Variants in RBMS1 observed in about 807,000 individuals in gnomAD.
The protein encoded by RBMS1 is RNA binding motif single stranded interacting protein 1.
A neutral mutation model predicts 62.3 loss-of-function variants in RBMS1; 17 were observed. That is an observed-to-expected ratio of 0.27 (90% CI 0.19 to 0.41). The LOEUF (loss-of-function observed/expected upper bound fraction) is 0.41, where lower values mean the gene tolerates loss of function less well. RBMS1 is among the 10% of genes least tolerant of loss of function. The pLI, the probability that RBMS1 is intolerant of heterozygous loss-of-function variation, is 1.00. For missense variants in RBMS1, 334 were observed against 504.5 expected (o/e 0.66, Z 3.24); for synonymous variants, 172 against 170.0 (o/e 1.01, Z -0.09).
chr2:160,404,196 GCTT>G (rs1244360837), intron 1 of RBMS1, among the ~76,000 whole-genome samples: 5 of 152,094 alleles, frequency 3.3e-5, no homozygotes, highest in African/African-American at 1.2e-4. Context: ...CCATTCAAAA[GCTT>G]CTCACTTTGA....
chr2:160,389,562 G>A (rs968752535), intron 1 of RBMS1, among the ~76,000 whole-genome samples: 2 of 151,878 alleles, frequency 1.3e-5, no homozygotes. Context: ...GCCAGGCGGG[G>A]TGGCGCACAC....
At chr2:160,426,008 TAAG>T (rs767085637) in intron 1 of RBMS1, among the ~76,000 whole-genome samples, 2 of 152,080 alleles carry the variant, frequency 1.3e-5, no homozygotes, top group Non-Finnish European at 2.9e-5. Context: ...CAAGTCCACT[TAAG>T]AAGGAAATAA....
intron 1 of RBMS1, among the ~76,000 whole-genome samples, chr2:160,423,212 TTTTC>T (rs900077323): frequency 6.3e-5 from 9 of 142,992 alleles, no homozygotes; most frequent in African/African-American, 1.5e-4. Context: ...TTTTCTTTTC[TTTTC>T]TTTTTTTCTT....
rs12616645 is a variant in RBMS1 at position 160,486,692 on chromosome 2, G to A, written c.75+6597C>T. On this transcript the variant is annotated intron_variant, in intron 1 of 13. Coordinates refer to ENST00000348849, the MANE Select transcript of RBMS1 (RefSeq NM_016836.4). Reference sequence around the variant, plus strand: ...TTTGAAAGAATTAAAGCTGGCTGATGACCAGATAAAGAGATATCCACTAAA... The same window carrying A: ...TTTGAAAGAATTAAAGCTGGCTGATAACCAGATAAAGAGATATCCACTAAA... 5.3e-4 allele frequency among the ~76,000 whole-genome samples: 80 copies of A among 152,260 alleles called. No homozygotes were observed. In the East Asian group the frequency reaches 0.015, roughly 29 times the overall value.
intron 1 of RBMS1, among the ~76,000 whole-genome samples, chr2:160,388,599 C>T (rs112065310): frequency 1.0e-3 from 154 of 152,282 alleles, no homozygotes; most frequent in Non-Finnish European, 1.8e-3. Context: ...CACACAGAGT[C>T]CACCTTTCAA....
intron 6 of RBMS1, among the ~76,000 whole-genome samples, chr2:160,300,286 G>A (rs1233603852): frequency 6.6e-6 from 1 of 152,146 alleles, no homozygotes; most frequent in African/African-American, 2.4e-5. Context: ...AAGGCCATAG[G>A]AACTGAGGTC....
At chr2:160,308,851 C>T (rs950332296) in intron 4 of RBMS1, among the ~76,000 whole-genome samples, 3 of 152,252 alleles carry the variant, frequency 2.0e-5, no homozygotes, top group Admixed American at 6.5e-5. Context: ...CCAATATATA[C>T]CCAGTCCAGT....
chr2:160,322,120 C>T (rs536299673), intron 2 of RBMS1, among the ~76,000 whole-genome samples: 111 of 152,282 alleles, frequency 7.3e-4, no homozygotes, highest in Admixed American at 1.6e-3. Context: ...TGCATGTATG[C>T]TTTTATTTAA....
intron 2 of RBMS1, among the ~76,000 whole-genome samples, chr2:160,363,928 A>C (rs959706619): frequency 4.6e-5 from 7 of 152,200 alleles, no homozygotes; most frequent in Admixed American, 6.5e-5. Context: ...TAGGGAAAAT[A>C]AGAGATATTT....
chr2:160,317,233 C>A (rs1354363200), intron 3 of RBMS1, among the ~76,000 whole-genome samples: 1 of 152,164 alleles, frequency 6.6e-6, no homozygotes, highest in East Asian at 1.9e-4. Flanking sequence ...TAAGGAGAGG[C>A]CCCTACCATA....
At chr2:160,326,367 G>C (rs1435525982) in intron 2 of RBMS1, among the ~76,000 whole-genome samples, 1 of 152,136 alleles carries the variant, frequency 6.6e-6, no homozygotes, top group African/African-American at 2.4e-5. Context: ...AAAAATATGA[G>C]ACCCTGTATG....
chr2:160,369,750 T>C (rs1467704810), intron 1 of RBMS1, among the ~76,000 whole-genome samples: 1 of 152,128 alleles, frequency 6.6e-6, no homozygotes, highest in Admixed American at 6.5e-5. Flanking sequence ...AAATGAACCA[T>C]CAGGCATTTT....
chr2:160,307,222 G>GT (rs1458668789), intron 4 of RBMS1, among the ~76,000 whole-genome samples: 1 of 152,110 alleles, frequency 6.6e-6, no homozygotes, highest in Non-Finnish European at 1.5e-5. Context: ...GCAGACATCT[G>GT]TTTTCTCTTG....
intron 1 of RBMS1, among the ~76,000 whole-genome samples, chr2:160,411,435 C>T (rs1333201671): frequency 6.6e-6 from 1 of 152,160 alleles, no homozygotes; most frequent in Non-Finnish European, 1.5e-5. Flanking sequence ...GAGCATTTGG[C>T]CATGAAATGA....
rs1374901486 is a variant in RBMS1, at chr2:160,493,715, C to G, written c.-352G>C. 2 of 357,642 alleles carry G rather than the reference C, an allele frequency of 5.6e-6. No homozygotes were observed. Among genetic ancestry groups the G allele is most frequent in the African/African-American group, 2.2e-5 (1 of 45,180 alleles). The allele number at this position is 357,642 out of a possible 1,614,324, so 22.2% of individuals were successfully genotyped here. ...AAGGGCTGGCGCGCTGGCCGCGGTC[C>G]GCTCGGGCGAGCCGGCTGCGCGGGG... On this transcript the variant is annotated 5_prime_UTR_variant, in exon 1 of 14. Coordinates refer to ENST00000348849, the MANE Select transcript of RBMS1 (RefSeq NM_016836.4).
chr2:160,492,755 G>A (rs1364592253), intron 1 of RBMS1: 1 of 152,546 alleles, frequency 6.6e-6, no homozygotes, highest in Non-Finnish European at 1.5e-5. Context: ...CAGGGCCGGA[G>A]GCGGGGAGGA....
chr2:160,370,099 C>T (rs1487233217), intron 1 of RBMS1, among the ~76,000 whole-genome samples: 1 of 152,138 alleles, frequency 6.6e-6, no homozygotes, highest in Admixed American at 6.5e-5. Context: ...TGAAATCTCC[C>T]AGCATCTGAT....
intron 2 of RBMS1, among the ~76,000 whole-genome samples, chr2:160,338,283 A>C (rs955338143): frequency 6.6e-6 from 1 of 152,210 alleles, no homozygotes; most frequent in Non-Finnish European, 1.5e-5. Context: ...GATGAACTTA[A>C]TGAAAATATT....
chr2:160,320,614 T>C (rs1040195943), intron 2 of RBMS1, among the ~76,000 whole-genome samples: 4 of 152,110 alleles, frequency 2.6e-5, no homozygotes, highest in African/African-American at 9.7e-5. Flanking sequence ...GAGAACTGGT[T>C]GTGCAAAGAG....
Sources: allele counts gnomAD v4.1 joint callset (sites outside exome capture counted in the v4.1 genomes callset), GRCh38; gene constraint gnomAD v4.1.1; transcripts MANE v1.5; gene names NCBI Gene and HGNC (gene_info 2026-07-23, HGNC 2026-07-21).